CFAP61: variants seen among roughly 807,000 people sequenced by gnomAD.
The protein encoded by CFAP61 is cilia and flagella associated protein 61.
A neutral mutation model predicts 135.6 loss-of-function variants in CFAP61; 107 were observed. The ratio of observed to expected loss-of-function variants is 0.79; its 90% CI spans 0.67 to 0.93. The LOEUF (loss-of-function observed/expected upper bound fraction) is 0.93, where lower values mean the gene tolerates loss of function less well. Ranked by LOEUF, CFAP61 falls within the 40% of genes least tolerant of loss-of-function variation. The pLI, the probability that CFAP61 is intolerant of heterozygous loss-of-function variation, is 0.00. For synonymous variants in CFAP61, 575 were observed against 578.5 expected (o/e 0.99, Z 0.09); for missense variants, 1,507 against 1,556.2 (o/e 0.97, Z 0.53).
At chr20:20,077,759 G>C (rs1440462379) in intron 6 of CFAP61, among the ~76,000 whole-genome samples, 2 of 152,192 alleles carry the variant, frequency 1.3e-5, no homozygotes, top group Non-Finnish European at 2.9e-5. Flanking sequence ...TGATTGAAAG[G>C]GTTTATCTAA....
chr20:20,100,903 A>G (rs1300159842), intron 8 of CFAP61, among the ~76,000 whole-genome samples: 1 of 152,242 alleles, frequency 6.6e-6, no homozygotes, highest in East Asian at 1.9e-4. Context: ...TTTACCTAAA[A>G]TAAGTCAATC....
intron 9 of CFAP61, among the ~76,000 whole-genome samples, chr20:20,150,237 G>A (rs2052285251): frequency 2.0e-5 from 3 of 151,980 alleles, no homozygotes; most frequent in Admixed American, 2.0e-4. Flanking sequence ...GCTCAGACCT[G>A]CCTATTCCTA....
At chr20:20,150,368 C>G (rs1879637823) in intron 9 of CFAP61, among the ~76,000 whole-genome samples, 2 of 152,210 alleles carry the variant, frequency 1.3e-5, no homozygotes, top group African/African-American at 4.8e-5. Context: ...CTGGCCAACA[C>G]AGGGCAAGCT....
intron 9 of CFAP61, among the ~76,000 whole-genome samples, chr20:20,153,809 G>A (rs2052651010): frequency 2.0e-5 from 3 of 152,086 alleles, no homozygotes; most frequent in Admixed American, 2.0e-4. Flanking sequence ...CAATCTTACT[G>A]ATACTGTTCC....
chr20:20,078,209 C>T (rs139919961), intron 6 of CFAP61, among the ~76,000 whole-genome samples: 26 of 152,248 alleles, frequency 1.7e-4, no homozygotes, highest in Non-Finnish European at 2.9e-4. Context: ...GAGGCATGAC[C>T]GACCACCCAA....
intron 8 of CFAP61, among the ~76,000 whole-genome samples, chr20:20,099,703 T>G (rs2047875003): frequency 6.6e-6 from 1 of 152,230 alleles, no homozygotes; most frequent in Admixed American, 6.5e-5. Context: ...TTCCACCAAC[T>G]TGAATCTTCC....
At chr20:20,307,745 G>A (rs1006816764) in intron 25 of CFAP61, among the ~76,000 whole-genome samples, 7 of 152,080 alleles carry the variant, frequency 4.6e-5, no homozygotes, top group African/African-American at 1.4e-4. Context: ...TTTAGAGAGA[G>A]GTCATTATCA....
chr20:20,209,103 G>C (rs1351128481), intron 17 of CFAP61, among the ~76,000 whole-genome samples: 3 of 152,128 alleles, frequency 2.0e-5, no homozygotes, highest in Non-Finnish European at 4.4e-5. Flanking sequence ...ATTTTTATAA[G>C]GGGGCTCCTT....
intron 21 of CFAP61, among the ~76,000 whole-genome samples, chr20:20,264,273 G>T (rs576398416): frequency 6.6e-6 from 1 of 152,178 alleles, no homozygotes; most frequent in South Asian, 2.1e-4. Flanking sequence ...TCAAGGGTAT[G>T]CTAGTCTCAC....
At chr20:20,297,754 A>C (rs2055750930) in intron 24 of CFAP61, among the ~76,000 whole-genome samples, 1 of 152,238 alleles carries the variant, frequency 6.6e-6, no homozygotes, top group Non-Finnish European at 1.5e-5. Flanking sequence ...TTGTTCAAGT[A>C]ATCTTGAAAA....
chr20:20,187,684 T>A (rs1284485608), intron 13 of CFAP61, among the ~76,000 whole-genome samples: 1 of 152,232 alleles, frequency 6.6e-6, no homozygotes, highest in Non-Finnish European at 1.5e-5. Context: ...ATTTAAAGTA[T>A]CTCTGTGTTG....
At chr20:20,263,246 A>G in intron 21 of CFAP61, 116 bp downstream of exon 21, 1 of 678,522 alleles carries the variant, frequency 1.5e-6, no homozygotes, top group African/African-American at 1.8e-5. Flanking sequence ...CAACCAAATC[A>G]TTCATCTGTC....
At chr20:20,269,184 C>T (rs568724416) in intron 21 of CFAP61, among the ~76,000 whole-genome samples, 2,360 of 84,028 alleles carry the variant, frequency 0.028, 106 homozygotes, top group Middle Eastern at 0.041. Context: ...TGTATATACA[C>T]ACACATATAT....
chr20:20,129,014 T>G (rs1234039963), intron 8 of CFAP61, among the ~76,000 whole-genome samples: 1 of 151,482 alleles, frequency 6.6e-6, no homozygotes, highest in Non-Finnish European at 1.5e-5. Context: ...TTGTTATAAC[T>G]ATTATTATAA....
chr20:20,096,014 A>T (rs559958613), intron 7 of CFAP61, among the ~76,000 whole-genome samples: 1 of 152,224 alleles, frequency 6.6e-6, no homozygotes, highest in Admixed American at 6.5e-5. Context: ...ACAAGCAAGA[A>T]CAACAAAACC....
chr20:20,130,113 C>A (rs1179528065), intron 8 of CFAP61, among the ~76,000 whole-genome samples: 2 of 151,328 alleles, frequency 1.3e-5, no homozygotes, highest in African/African-American at 4.9e-5. Flanking sequence ...CATGGTGAAA[C>A]CCCGTCTCTA....
intron 19 of CFAP61, among the ~76,000 whole-genome samples, chr20:20,248,493 G>A (rs954467192): frequency 6.6e-6 from 1 of 151,874 alleles, no homozygotes. Context: ...CTTTCCCACC[G>A]CCCCCATCCA....
At chr20:20,294,497 A>G (rs1164131652) in intron 24 of CFAP61, among the ~76,000 whole-genome samples, 1 of 152,042 alleles carries the variant, frequency 6.6e-6, no homozygotes. Context: ...CATCAGTGCA[A>G]CCTCCTCATC....
At chr20:20,169,245 G>T in intron 12 of CFAP61, 76 bp from the exon 13 acceptor site, 2 of 1,386,470 alleles carry the variant, frequency 1.4e-6, no homozygotes, top group East Asian at 2.4e-5. Flanking sequence ...ATTTTTCTTG[G>T]TGTTTTTTAG....
Sources: allele counts gnomAD v4.1 joint callset (sites outside exome capture counted in the v4.1 genomes callset), GRCh38; gene constraint gnomAD v4.1.1; transcripts MANE v1.5; gene names NCBI Gene and HGNC (gene_info 2026-07-23, HGNC 2026-07-21).